The following PPP4R3B variants were observed in gnomAD, a reference collection of about 807,000 sequenced individuals.
The protein encoded by PPP4R3B is protein phosphatase 4 regulatory subunit 3B.
Under a neutral mutation model 95.4 loss-of-function variants are expected in PPP4R3B, and 52 were observed. The observed-to-expected ratio is 0.54, with a 90% CI of 0.44 to 0.69. PPP4R3B has a LOEUF of 0.69. PPP4R3B is among the 30% of genes least tolerant of loss of function. The probability of loss-of-function intolerance (pLI) is 0.00; values close to 1 mark genes in which losing one functional copy is unlikely to be tolerated. For synonymous variants in PPP4R3B, 407 were observed against 343.9 expected (o/e 1.18, Z -2.03); for missense variants, 1,003 against 1,005.9 (o/e 1.00, Z 0.04).
Position 55,598,767 on chromosome 2 carries a change from G to A in PPP4R3B, c.570C>T (p.Gly190=), listed in dbSNP as rs1444081645. The change falls in exon 4 of 17, where the codon GGC becomes GGT. Residue 190 remains glycine (G), a synonymous_variant. Coordinates refer to ENST00000616407, the MANE Select transcript of PPP4R3B (RefSeq NM_001122964.3). ...TAATAATTTCATACAAATGGTGTAA[G>A]CCTTCAGTGTTTTCTAGGTTCTCGC... ...QACENLENTE[G]LHHLYEIIRG... The A allele has an allele frequency of 6.2e-7, 1 of 1,614,196 alleles. No individual in the cohort carries two copies. The highest frequency in any genetic ancestry group is 8.5e-7 in the Non-Finnish European group (1 of 1,180,026).
At chr2:55,552,257 T>C (rs772586982) in intron 16 of PPP4R3B, among the ~76,000 whole-genome samples, 2 of 152,238 alleles carry the variant, frequency 1.3e-5, no homozygotes, top group Non-Finnish European at 2.9e-5. Flanking sequence ...TTTTAATATG[T>C]ATCTAGAAAT....
intron 15 of PPP4R3B, among the ~76,000 whole-genome samples, chr2:55,562,162 C>G (rs922896331): frequency 4.6e-5 from 7 of 152,146 alleles, no homozygotes; most frequent in African/African-American, 1.4e-4. Context: ...TGGCTCATGC[C>G]TGTAATCCCA....
intron 4 of PPP4R3B, among the ~76,000 whole-genome samples, chr2:55,595,349 G>A (rs1281027194): frequency 6.6e-6 from 1 of 151,906 alleles, no homozygotes; most frequent in Non-Finnish European, 1.5e-5. Flanking sequence ...TTATGCAGAG[G>A]CTGGGTACAG....
intron 8 of PPP4R3B, 21 bp downstream of exon 8, chr2:55,581,540 CATTTTT>C (rs1392141765): frequency 6.3e-7 from 1 of 1,598,870 alleles, no homozygotes; most frequent in Admixed American, 1.7e-5. Context: ...TAGGCCAAAA[CATTTTT>C]ATCTCAGAGT....
At chr2:55,591,413 G>T (rs1453518296) in intron 4 of PPP4R3B, 2 of 535,408 alleles carry the variant, frequency 3.7e-6, no homozygotes, top group Non-Finnish European at 4.8e-6. Flanking sequence ...AAAGTGCTAG[G>T]ACTACAGGCA....
chr2:55,609,905 A>T (rs958604479), intron 2 of PPP4R3B, among the ~76,000 whole-genome samples: 3 of 152,190 alleles, frequency 2.0e-5, no homozygotes, highest in African/African-American at 4.8e-5. Flanking sequence ...CTAGCAAGGG[A>T]AACTGTACGG....
chr2:55,595,362 G>T (rs1691620615), intron 4 of PPP4R3B, among the ~76,000 whole-genome samples: 1 of 151,630 alleles, frequency 6.6e-6, no homozygotes, highest in Non-Finnish European at 1.5e-5. Flanking sequence ...GGGTACAGTG[G>T]CTCATATCTA....
chr2:55,599,181 T>A, intron 3 of PPP4R3B, 142 bp from the exon 4 acceptor site: 1 of 766,484 alleles, frequency 1.3e-6, no homozygotes, highest in Non-Finnish European at 2.0e-6. Context: ...CTCACGCCTG[T>A]AATCCCAGCA....
chr2:55,595,012 A>G (rs1018757561), intron 4 of PPP4R3B, among the ~76,000 whole-genome samples: 1 of 151,524 alleles, frequency 6.6e-6, no homozygotes, highest in African/African-American at 2.4e-5. Flanking sequence ...TATTTGTATC[A>G]GGACCCTTTT....
chr2:55,550,758 TAAAAC>T (rs1386997038), intron 16 of PPP4R3B, among the ~76,000 whole-genome samples: 1 of 152,154 alleles, frequency 6.6e-6, no homozygotes, highest in Non-Finnish European at 1.5e-5. Context: ...CTCTAGGAGA[TAAAAC>T]AAATACAACT....
At chr2:55,597,466 C>T (rs1258283028) in intron 4 of PPP4R3B, among the ~76,000 whole-genome samples, 1 of 152,084 alleles carries the variant, frequency 6.6e-6, no homozygotes, top group African/African-American at 2.4e-5. Flanking sequence ...ACTAAAAACA[C>T]AAAAAATTAG....
chr2:55,616,109 T>C (rs113747056), intron 1 of PPP4R3B, among the ~76,000 whole-genome samples: 2 of 151,992 alleles, frequency 1.3e-5, no homozygotes, highest in African/African-American at 4.8e-5. Flanking sequence ...TAAAATTTTA[T>C]TGAAATAAAA....
chr2:55,566,594 T>C (rs1687321083), intron 13 of PPP4R3B, among the ~76,000 whole-genome samples: 1 of 152,214 alleles, frequency 6.6e-6, no homozygotes, highest in Non-Finnish European at 1.5e-5. Context: ...TTGACCACTT[T>C]TAGAAAAACA....
At chr2:55,563,266 T>C (rs1221406685) in intron 15 of PPP4R3B, among the ~76,000 whole-genome samples, 1 of 152,202 alleles carries the variant, frequency 6.6e-6, no homozygotes, top group Non-Finnish European at 1.5e-5. Flanking sequence ...TCAAAGAAAA[T>C]GTAATAAATG....
intron 11 of PPP4R3B, 36 bp from the exon 12 acceptor site, chr2:55,573,813 G>T: frequency 7.9e-7 from 1 of 1,258,826 alleles, no homozygotes; most frequent in Non-Finnish European, 1.1e-6. Flanking sequence ...AATAAATATT[G>T]AATATATCTA....
rs1450467415 is a variant in PPP4R3B, at chr2:55,604,147, A to C, written c.199-71T>G. On this transcript the variant is annotated intron_variant, in intron 2 of 16. Coordinates refer to ENST00000616407, the MANE Select transcript of PPP4R3B (RefSeq NM_001122964.3). ...TATCTACAAAGTACAAATAGAAATC[A>C]AGAGGACTGGAAACAACACAGCAAT... The C allele has an allele frequency of 2.5e-6, 3 of 1,202,762 alleles. No individual in the cohort carries two copies. The East Asian group carries it at 7.6e-5, about 30-fold the overall frequency. The allele number at this position is 1,202,762 out of a possible 1,614,324, so 74.5% of individuals were successfully genotyped here. A position where few individuals can be genotyped will look rare whatever the true frequency, so the allele number is the denominator to read the frequency against.
intron 2 of PPP4R3B, among the ~76,000 whole-genome samples, chr2:55,607,860 T>C (rs1482831973): frequency 6.6e-6 from 1 of 152,130 alleles, no homozygotes; most frequent in East Asian, 1.9e-4. Flanking sequence ...CAGAATGAAA[T>C]CCAAAACCCT....
intron 16 of PPP4R3B, among the ~76,000 whole-genome samples, chr2:55,551,654 G>C (rs1685260280): frequency 6.6e-6 from 1 of 151,906 alleles, no homozygotes; most frequent in Non-Finnish European, 1.5e-5. Flanking sequence ...CAGAGGCTGA[G>C]GCAGGAGAAT....
chr2:55,549,919 C>A lies in PPP4R3B; in HGVS notation c.2542G>T (p.Gly848Cys). The A allele has an allele frequency of 6.2e-7, 1 of 1,612,868 alleles. No individual in the cohort carries two copies. Among genetic ancestry groups the A allele is most frequent in the Non-Finnish European group, 8.5e-7 (1 of 1,179,028 alleles). The change falls in exon 17 of 17, where the codon GGC becomes TGC. Residue 848 changes from glycine (G) to cysteine (C), a missense_variant. Around this residue, in one of 3 missense-constraint regions of PPP4R3B, gnomAD observed 229 missense variants for 194.7 expected, o/e 1.18. Transcript: ENST00000616407. ...ESSPRKRPRLGS is the reference protein window; with the variant it reads ...ESSPRKRPRLCS ...GTCCCCTAATAAATATTTTATGAGC[C>A]AAGACGAGGTCTTTTCCTGGGGGAC...
Sources: allele counts gnomAD v4.1 joint callset (sites outside exome capture counted in the v4.1 genomes callset), GRCh38; gene constraint gnomAD v4.1.1; regional missense constraint gnomAD v4.1.1; transcripts MANE v1.5; gene names NCBI Gene and HGNC (gene_info 2026-07-23, HGNC 2026-07-21).